The following PHIP variants were observed in gnomAD, a reference collection of about 807,000 sequenced individuals.
PHIP encodes PHIP subunit of CUL4-Ring ligase complex.
A neutral mutation model predicts 236.8 loss-of-function variants in PHIP; 54 were observed. That is an observed-to-expected ratio of 0.23 (90% CI 0.18 to 0.29). PHIP has a LOEUF of 0.29. Among genes scored for constraint, PHIP ranks in the 10% least tolerant of loss-of-function variants. The probability of loss-of-function intolerance (pLI) is 1.00; values close to 1 mark genes in which losing one functional copy is unlikely to be tolerated. For missense variants in PHIP, 1,370 were observed against 2,190.8 expected, an observed-to-expected ratio of 0.63 and a Z score of 7.48; for synonymous variants, 756 against 718.9, an observed-to-expected ratio of 1.05 and a Z score of -0.83.
At position 79,017,404 on chromosome 6, in the gene PHIP, A is replaced by G; in HGVS notation, c.1096-18T>C. On this transcript the variant is annotated intron_variant, in intron 11 of 39. Transcript: ENST00000275034. ...ACTTTGTCCTATATATAAACAAATA[A>G]ACAAAAAAGTGGGTGCTGAATATAA... 1 of 1,588,964 alleles carries G rather than the reference A, an allele frequency of 6.3e-7. No individual in the cohort carries two copies. Among genetic ancestry groups the G allele is most frequent in the East Asian group, 2.2e-5 (1 of 44,570 alleles).
At chr6:79,029,272 G>A (rs9448609) in intron 7 of PHIP, among the ~76,000 whole-genome samples, 6,404 of 152,064 alleles carry the variant, frequency 0.042, 144 homozygotes, top group Middle Eastern at 0.061. Flanking sequence ...CAGGACTCCC[G>A]GAAGATTTTC....
At chr6:79,075,624 CATT>C (rs1329221261) in intron 4 of PHIP, among the ~76,000 whole-genome samples, 1 of 114,970 alleles carries the variant, frequency 8.7e-6, no homozygotes, top group African/African-American at 3.4e-5. Context: ...ATTGATAGCT[CATT>C]TTTACTGAAA....
intron 7 of PHIP, among the ~76,000 whole-genome samples, chr6:79,037,702 T>C (rs1562198680): frequency 6.6e-6 from 1 of 152,230 alleles, no homozygotes; most frequent in African/African-American, 2.4e-5. Context: ...CGAAGTACAG[T>C]AGCAGAGAGG....
chr6:78,941,364 A>C, intron 39 of PHIP, 34 bp from the exon 40 acceptor site: 1 of 1,534,748 alleles, frequency 6.5e-7, no homozygotes, highest in Non-Finnish European at 8.8e-7. Context: ...TAATATATGG[A>C]GTTTCTTTTT....
In PHIP at chr6:78,941,310, G is replaced by A. The variant is rs557254495; in HGVS notation, c.4849C>T (p.Leu1617Phe). ...TTTACTTGAATGGTTCCTGGTACAAGAGCGTTGTTCTTACAATCTCCTAAA... is the reference window on the plus strand; with the variant it reads ...TTTACTTGAATGGTTCCTGGTACAAAAGCGTTGTTCTTACAATCTCCTAAA... ...IEQGDCKNNA[L>F]VPGTIQVNGH... Residue 1617 changes from leucine (L) to phenylalanine (F), a missense_variant, in exon 40 of 40, where the codon CTT (leucine) becomes TTT (phenylalanine). Physicochemically the swap from Leu to Phe is conservative, Grantham distance 22. Around this residue, in one of 14 missense-constraint regions of PHIP, gnomAD observed 309 missense variants for 328.3 expected, o/e 0.94. Coordinates refer to ENST00000275034, the MANE Select transcript of PHIP (RefSeq NM_017934.7). The A allele has an allele frequency of 1.7e-5, 27 of 1,613,246 alleles. No homozygotes were observed. In the Admixed American group the frequency reaches 3.3e-4, roughly 20 times the overall value.
chr6:79,045,042 T>A lies in PHIP; in HGVS notation c.440-2039A>T, dbSNP rs185088098. Among the ~76,000 whole-genome samples the A allele has an allele frequency of 2.0e-3, 308 of 152,272 alleles. 5 individuals carry two copies. The highest frequency in any genetic ancestry group is 7.0e-3 in the African/African-American group (293 of 41,572). On this transcript the variant is annotated intron_variant, in intron 6 of 39. Coordinates refer to ENST00000275034, the MANE Select transcript of PHIP (RefSeq NM_017934.7). ...CCAGAATCACATTAGGTGAAACATATTTATAGCTAAAACTATATTCCACAC... is the reference window on the plus strand; with the variant it reads ...CCAGAATCACATTAGGTGAAACATAATTATAGCTAAAACTATATTCCACAC...
intron 24 of PHIP, among the ~76,000 whole-genome samples, chr6:78,977,452 C>G (rs567830317): frequency 9.9e-5 from 15 of 152,174 alleles, no homozygotes; most frequent in African/African-American, 3.6e-4. Context: ...GTGCAGCACA[C>G]CAGCATGGCA....
intron 6 of PHIP, among the ~76,000 whole-genome samples, chr6:79,060,273 A>G (rs1314100768): frequency 6.6e-6 from 1 of 152,196 alleles, no homozygotes; most frequent in East Asian, 1.9e-4. Context: ...TGGCCTACAT[A>G]AGGTGCAATG....
At chr6:79,077,582 G>A in intron 3 of PHIP, 75 bp from the exon 4 acceptor site, 1 of 845,690 alleles carries the variant, frequency 1.2e-6, no homozygotes, top group Non-Finnish European at 1.4e-6. Context: ...CCCGCCCCGC[G>A]CCCCGGCGGG....
At chr6:78,973,783 C>T (rs1438432078) in intron 24 of PHIP, among the ~76,000 whole-genome samples, 1 of 151,794 alleles carries the variant, frequency 6.6e-6, no homozygotes, top group Non-Finnish European at 1.5e-5. Context: ...CAAAGAAGGC[C>T]ATTACATAAT....
chr6:79,004,536 T>A, intron 15 of PHIP: 2 of 383,022 alleles, frequency 5.2e-6, no homozygotes, highest in Non-Finnish European at 7.2e-6. Context: ...AGCAGTGTTC[T>A]GAAAGAGGTA....
Position 78,998,404 on chromosome 6 carries a change from A to C in PHIP, c.1880-13T>G. 2 of 1,610,234 alleles carry C rather than the reference A, an allele frequency of 1.2e-6. No individual in the cohort carries two copies. The highest frequency in any genetic ancestry group is 1.7e-6 in the Non-Finnish European group (2 of 1,177,410). ...ACTTGATTCAGTCCTATACAATACC[A>C]CACAAAATATTACGAATATTTTAGC... On this transcript the variant is annotated splice_polypyrimidine_tract_variant and intron_variant, in intron 17 of 39. Coordinates refer to ENST00000275034, the MANE Select transcript of PHIP (RefSeq NM_017934.7).
intron 36 of PHIP, 87 bp downstream of exon 36, chr6:78,947,536 C>A: frequency 1.5e-6 from 1 of 647,444 alleles, no homozygotes. Flanking sequence ...TAACTTTGAC[C>A]TAAATTTTAA....
At chr6:79,059,625 A>ATATATATATATAT (rs1562216779) in intron 6 of PHIP, among the ~76,000 whole-genome samples, 26 of 58,120 alleles carry the variant, frequency 4.5e-4, no homozygotes, top group South Asian at 2.0e-3. Context: ...ATATATATAT[A>ATATATATATATAT]AAAATGCCAA....
chr6:79,077,867 C>T lies in PHIP; in HGVS notation c.87G>A (p.Gln29=). ...IARFLEDGPC[Q]QAAQVLIREV... ...CGCGCCGCCGTACCTGAGCCGCCTG[C>T]TGACAGGGTCCATCTTCCAGGAACC... is the stretch of plus-strand genomic sequence containing the variant. The change falls in exon 2 of 40, where the codon CAG becomes CAA. Residue 29 remains glutamine (Q), a synonymous_variant. Transcript: ENST00000275034. 1 of 1,557,944 alleles carries T rather than the reference C, an allele frequency of 6.4e-7. No homozygotes were observed. Among genetic ancestry groups the T allele is most frequent in the Admixed American group, 1.9e-5 (1 of 53,968 alleles).
intron 17 of PHIP, among the ~76,000 whole-genome samples, chr6:79,000,630 T>A (rs1000553236): frequency 1.3e-5 from 2 of 152,096 alleles, no homozygotes; most frequent in Non-Finnish European, 2.9e-5. Context: ...TTGGGAACAA[T>A]CTGATTTTGC....
At chr6:79,073,293 C>A (rs1773986603) in intron 4 of PHIP, among the ~76,000 whole-genome samples, 1 of 152,064 alleles carries the variant, frequency 6.6e-6, no homozygotes, top group Admixed American at 6.6e-5. Context: ...TCACACCTAA[C>A]ATTTTATTCA....
intron 9 of PHIP, among the ~76,000 whole-genome samples, chr6:79,021,997 A>G (rs918050395): frequency 6.6e-6 from 1 of 152,114 alleles, no homozygotes; most frequent in Non-Finnish European, 1.5e-5. Flanking sequence ...AAATATATAC[A>G]CCTACTACAT....
chr6:79,045,424 A>T (rs1772435287), intron 6 of PHIP, among the ~76,000 whole-genome samples: 2 of 152,142 alleles, frequency 1.3e-5, no homozygotes, highest in African/African-American at 4.8e-5. Context: ...TTTTTTTATA[A>T]TACCATTTGG....
Sources: gnomAD v4.1 joint callset for allele counts (sites outside exome capture counted in the v4.1 genomes callset) on GRCh38, gnomAD v4.1.1 for gene constraint, gnomAD v4.1.1 regional missense constraint, MANE v1.5 for transcripts, NCBI Gene and HGNC (gene_info 2026-07-23, HGNC 2026-07-21) for gene names.